Variants in PHYKPL observed in about 807,000 individuals in gnomAD.
PHYKPL encodes 5-phosphohydroxy-L-lysine phospho-lyase.
A neutral mutation model predicts 51.3 loss-of-function variants in PHYKPL; 42 were observed. The ratio of observed to expected loss-of-function variants is 0.82; its 90% CI spans 0.64 to 1.06. The LOEUF is 1.06. Ranked by LOEUF, PHYKPL falls within the 50% of genes least tolerant of loss-of-function variation. PHYKPL has a pLI of 0.00. For synonymous variants in PHYKPL, 264 were observed against 236.0 expected (o/e 1.12, Z -1.09); for missense variants, 655 against 586.6 (o/e 1.12, Z -1.20).
intron 7 of PHYKPL, 30 bp downstream of exon 7, chr5:178,222,822 C>T (rs1481267228): frequency 6.2e-7 from 1 of 1,610,518 alleles, no homozygotes. Context: ...CCCCTGCCCT[C>T]CCTAGAGCAG....
rs988631304 is a variant in PHYKPL at position 178,209,200 on chromosome 5, T to A, written c.*32-285A>T. The stretch of plus-strand genomic sequence containing the variant: ...GCTTTAGCCCAAAGGTGGCCTCCCA[T>A]ACTAGCATATTTTGTTTCTCAGCAA... On this transcript the variant is annotated intron_variant, in intron 12 of 12. Transcript: ENST00000308158. 12 of 780,584 alleles carry A rather than the reference T, an allele frequency of 1.5e-5. No homozygotes were observed. The South Asian group carries it at 1.6e-4, about 10-fold the overall frequency. 48.4% of individuals were successfully genotyped at this position (780,584 alleles called of 1,614,324 possible). A position where few individuals can be genotyped will look rare whatever the true frequency, so the allele number is the denominator to read the frequency against.
intron 8 of PHYKPL, among the ~76,000 whole-genome samples, chr5:178,217,378 A>C (rs1483420402): frequency 6.6e-6 from 1 of 151,912 alleles, no homozygotes; most frequent in Non-Finnish European, 1.5e-5. Flanking sequence ...ATGCCACCAC[A>C]TCTGGCTAAT....
downstream of PHYKPL, chr5:178,207,341 A>G (rs1757112062): frequency 4.8e-6 from 6 of 1,245,616 alleles, no homozygotes; most frequent in Admixed American, 8.9e-5. Context: ...AGACTTTACT[A>G]TTTCTCTGAA....
At position 178,210,243 on chromosome 5, in the gene PHYKPL, A is replaced by G. The variant is rs149641041; in HGVS notation, c.*32-1328T>C. On this transcript the variant is annotated intron_variant, in intron 12 of 12. Coordinates refer to ENST00000308158, the MANE Select transcript of PHYKPL (RefSeq NM_153373.4). ...GGCTACGACTACTCGCCCTATGGCT[A>G]TTACGGCTACGGCCCCGGCTACGAC... is the stretch of plus-strand genomic sequence containing the variant. The G allele has an allele frequency of 1.1e-4, 171 of 1,613,834 alleles. No homozygotes were observed. Among genetic ancestry groups the G allele is most frequent in the African/African-American group, 8.4e-4 (63 of 75,050 alleles).
chr5:178,224,377 T>G, intron 6 of PHYKPL, 71 bp downstream of exon 6: 1 of 1,440,806 alleles, frequency 6.9e-7, no homozygotes, highest in Non-Finnish European at 9.4e-7. Flanking sequence ...TCCCAGCATC[T>G]AGCACAGTGG....
chr5:178,207,334 C>CTT, downstream of PHYKPL: 3 of 1,322,520 alleles, frequency 2.3e-6, no homozygotes, highest in Non-Finnish European at 3.1e-6. Flanking sequence ...GTTGGTCAGA[C>CTT]TTTACTATTT....
chr5:178,223,365 G>C (rs567450130), intron 6 of PHYKPL: 1 of 457,054 alleles, frequency 2.2e-6, no homozygotes, highest in African/African-American at 2.0e-5. Flanking sequence ...CTCCTGCAGA[G>C]GTCTTCTAAC....
rs1057039755 is a variant in PHYKPL at position 178,231,430 on chromosome 5, G to C, written c.153C>G (p.Ile51Met). The change falls in exon 2 of 13, where the codon ATC becomes ATG. Residue 51 changes from isoleucine (I) to methionine (M), a missense_variant. Ile to Met is a conservative substitution (Grantham distance 10, BLOSUM62 1). Transcript: ENST00000308158. The part of the protein sequence containing the change: ...YMYDEQGAEY[I>M]DCISNVAHVG... ...CGTGCGCCACATTGCTGATGCAATC[G>C]ATGTATTCTGCCCCCTGTTCATCGT... 3 of 1,614,176 alleles carry C rather than the reference G, an allele frequency of 1.9e-6. No homozygotes were observed. The South Asian group carries it at 3.3e-5, about 18-fold the overall frequency.
intron 2 of PHYKPL, 68 bp downstream of exon 2, chr5:178,231,337 C>G: frequency 1.2e-6 from 2 of 1,609,652 alleles, no homozygotes; most frequent in South Asian, 2.2e-5. Context: ...AATCTCAGGT[C>G]ACCTTGGGAC....
intron 8 of PHYKPL, among the ~76,000 whole-genome samples, chr5:178,217,979 A>G (rs1442092700): frequency 6.6e-6 from 1 of 150,876 alleles, no homozygotes; most frequent in Non-Finnish European, 1.5e-5. Context: ...GCACTTTGGG[A>G]GGCCGAGACG....
rs1763794645 is a variant in PHYKPL at position 178,232,796 on chromosome 5, C to G, written c.-246G>C. 3.0e-6 allele frequency: 1 copy of G among 336,798 alleles called. No homozygotes were observed. Among genetic ancestry groups the G allele is most frequent in the African/African-American group, 2.6e-5 (1 of 38,600 alleles). The allele number at this position is 336,798 out of a possible 1,614,324, so 20.9% of individuals were successfully genotyped here. On this transcript the variant is annotated 5_prime_UTR_variant, in exon 1 of 13. Coordinates refer to ENST00000308158, the MANE Select transcript of PHYKPL (RefSeq NM_153373.4). The stretch of plus-strand genomic sequence containing the variant: ...TCCCGCGCAGGAACTCGAGCGCTGC[C>G]CCGTCTCTGGTTCCGGGACGCGCCC...
intron 10 of PHYKPL, among the ~76,000 whole-genome samples, chr5:178,213,668 A>C (rs1433258539): frequency 6.6e-6 from 1 of 152,202 alleles, no homozygotes; most frequent in Non-Finnish European, 1.5e-5. Context: ...CTCTGAGATG[A>C]GGGGTCTGCA....
chr5:178,210,239 G>A (rs1475367948), intron 12 of PHYKPL: 10 of 1,613,556 alleles, frequency 6.2e-6, no homozygotes, highest in Non-Finnish European at 7.6e-6. Context: ...CTCGCCCTAT[G>A]GCTATTACGG....
Position 178,225,385 on chromosome 5 carries a change from G to A in PHYKPL, c.383C>T (p.Thr128Met), listed in dbSNP as rs1051302064. ...TAATACCACCACGTCCTGGTGTCCCGTGTAGTGGCGAGCCAGCCTCAGGGC... is the reference window on the plus strand; with the variant it reads ...TAATACCACCACGTCCTGGTGTCCCATGTAGTGGCGAGCCAGCCTCAGGGC... ...DLALRLARHYTGHQDVVVLDH... is the reference protein window; with the variant it reads ...DLALRLARHYMGHQDVVVLDH... Residue 128 changes from threonine to methionine, a missense_variant, in exon 4 of 13, where the codon ACG (threonine) becomes ATG (methionine). Coordinates refer to ENST00000308158, the MANE Select transcript of PHYKPL (RefSeq NM_153373.4). 7 of 1,613,804 alleles carry A rather than the reference G, an allele frequency of 4.3e-6. No individual in the cohort carries two copies. Among genetic ancestry groups the A allele is most frequent in the Middle Eastern group, 1.6e-4 (1 of 6,082 alleles).
chr5:178,209,206 C>A, intron 12 of PHYKPL: 1 of 804,122 alleles, frequency 1.2e-6, no homozygotes, highest in Non-Finnish European at 2.1e-6. Flanking sequence ...CCCATACTAG[C>A]ATATTTTGTT....
downstream of PHYKPL, among the ~76,000 whole-genome samples, chr5:178,207,397 T>C (rs967681491): frequency 1.6e-4 from 24 of 152,176 alleles, no homozygotes; most frequent in Admixed American, 2.0e-4. Flanking sequence ...CTTGAAAGAC[T>C]TCTCAGGCTG....
intron 2 of PHYKPL, 73 bp from the exon 3 acceptor site, chr5:178,230,172 G>A: frequency 6.4e-7 from 1 of 1,573,972 alleles, no homozygotes; most frequent in Non-Finnish European, 8.7e-7. Context: ...CCAGCCCCAA[G>A]CTATAAACCC....
At chr5:178,228,670 A>AT in intron 3 of PHYKPL, 1 of 698,978 alleles carries the variant, frequency 1.4e-6, no homozygotes, top group Non-Finnish European at 2.6e-6. Context: ...TGGCCACAGT[A>AT]ATCATCACTA....
intron 6 of PHYKPL, chr5:178,224,069 T>C (rs143722182): frequency 1.2e-3 from 262 of 219,190 alleles, no homozygotes; most frequent in African/African-American, 5.8e-3. Flanking sequence ...CCCTCTGGCA[T>C]GTGGACCCTG....
Sources: allele counts gnomAD v4.1 joint callset (sites outside exome capture counted in the v4.1 genomes callset), GRCh38; gene constraint gnomAD v4.1.1; transcripts MANE v1.5; gene names NCBI Gene and HGNC (gene_info 2026-07-23, HGNC 2026-07-21).